ARHGAP24: variants seen among roughly 807,000 people sequenced by gnomAD.
ARHGAP24 encodes the protein rho GTPase-activating protein 24.
Under a neutral mutation model 76.4 loss-of-function variants are expected in ARHGAP24, and 50 were observed. The ratio of observed to expected loss-of-function variants is 0.65; its 90% CI spans 0.52 to 0.83. The LOEUF is 0.83. Ranked by LOEUF, ARHGAP24 falls within the 40% of genes least tolerant of loss-of-function variation. ARHGAP24 has a pLI of 0.00. For synonymous variants in ARHGAP24, 345 were observed against 323.3 expected (o/e 1.07, Z -0.72); for missense variants, 930 against 914.2 (o/e 1.02, Z -0.22).
At chr4:85,685,760 T>C (rs1723399668) in intron 2 of ARHGAP24, among the ~76,000 whole-genome samples, 1 of 152,240 alleles carries the variant, frequency 6.6e-6, no homozygotes, top group African/African-American at 2.4e-5. Context: ...CTGCTTTATG[T>C]TTCTGTTCCG....
At chr4:85,953,575 G>A (rs553570709) in intron 5 of ARHGAP24, among the ~76,000 whole-genome samples, 1 of 152,070 alleles carries the variant, frequency 6.6e-6, no homozygotes, top group East Asian at 1.9e-4. Flanking sequence ...GACCCCACTT[G>A]CTCTCATTCT....
chr4:85,954,118 G>A (rs895288091), intron 5 of ARHGAP24, among the ~76,000 whole-genome samples: 1 of 152,132 alleles, frequency 6.6e-6, no homozygotes, highest in Non-Finnish European at 1.5e-5. Context: ...CAAATGAGCT[G>A]CCCCAAACAT....
At chr4:85,940,605 G>A (rs1483191760) in intron 4 of ARHGAP24, among the ~76,000 whole-genome samples, 1 of 152,194 alleles carries the variant, frequency 6.6e-6, no homozygotes, top group African/African-American at 2.4e-5. Context: ...TGGAGTTAGT[G>A]AATAATGTTT....
intron 3 of ARHGAP24, among the ~76,000 whole-genome samples, chr4:85,768,357 A>G (rs1390107827): frequency 3.3e-5 from 5 of 152,182 alleles, no homozygotes; most frequent in African/African-American, 1.2e-4. Context: ...TCAAAGACAG[A>G]GTGATAATAC....
At chr4:85,754,493 AGTGAT>A (rs1726397783) in intron 3 of ARHGAP24, among the ~76,000 whole-genome samples, 1 of 152,216 alleles carries the variant, frequency 6.6e-6, no homozygotes, top group African/African-American at 2.4e-5. Flanking sequence ...GAGTAAGTTT[AGTGAT>A]GTTTAAGTTC....
chr4:85,754,466 A>G (rs1446976358), intron 3 of ARHGAP24, among the ~76,000 whole-genome samples: 1 of 152,144 alleles, frequency 6.6e-6, no homozygotes, highest in Non-Finnish European at 1.5e-5. Context: ...AGATTTTCTC[A>G]TGCATTGTCC....
intron 3 of ARHGAP24, among the ~76,000 whole-genome samples, chr4:85,782,049 A>C (rs1727585714): frequency 1.2e-5 from 1 of 81,626 alleles, no homozygotes; most frequent in South Asian, 6.2e-4. Flanking sequence ...AAAAAAAAAA[A>C]AAGAAAAAAA....
chr4:85,639,180 CT>C (rs1212439804), intron 2 of ARHGAP24, among the ~76,000 whole-genome samples: 1 of 152,110 alleles, frequency 6.6e-6, no homozygotes, highest in Non-Finnish European at 1.5e-5. Context: ...GATATGACCA[CT>C]ATTTCTTTAA....
At chr4:85,913,921 A>C (rs1735222641) in intron 3 of ARHGAP24, among the ~76,000 whole-genome samples, 1 of 152,230 alleles carries the variant, frequency 6.6e-6, no homozygotes, top group African/African-American at 2.4e-5. Flanking sequence ...CGTCTCTCTG[A>C]ATTCAATGTC....
rs145392366 is a variant in ARHGAP24, at chr4:85,945,218, C to T, written c.599+2945C>T. ...AGTGCAGTAGCATGATCTCAGCTCA[C>T]TGCAACGTCCACCTCACTGGTTCAA... is the stretch of plus-strand genomic sequence containing the variant. On this transcript the variant is annotated intron_variant, in intron 5 of 9. Transcript: ENST00000395184. Among the ~76,000 whole-genome samples the T allele has an allele frequency of 4.6e-3, 698 of 152,178 alleles. 2 individuals carry two copies. The highest frequency in any genetic ancestry group is 9.7e-3 in the Admixed American group (149 of 15,288).
In ARHGAP24 at chr4:85,625,857, T is replaced by C. The variant is rs200039418; in HGVS notation, c.180+55136T>C. ...CTTTGTCTCTTTTTATCTTTGTTGG[T>C]TTAAAGTCTGTTTTATCAGAGACTA... is the stretch of plus-strand genomic sequence containing the variant. On this transcript the variant is annotated intron_variant, in intron 2 of 9. Transcript: ENST00000395184. Among the ~76,000 whole-genome samples, 246 of 152,312 alleles carry C rather than the reference T, an allele frequency of 1.6e-3. 7 individuals are homozygous for C. The East Asian group carries it at 0.044, about 27-fold the overall frequency.
chr4:85,867,619 GA>G (rs1362778857), intron 3 of ARHGAP24, among the ~76,000 whole-genome samples: 2 of 151,452 alleles, frequency 1.3e-5, no homozygotes, highest in Admixed American at 1.3e-4. Context: ...TTTTTGAGAG[GA>G]AAAAAGTGGA....
intron 4 of ARHGAP24, among the ~76,000 whole-genome samples, chr4:85,925,941 G>T (rs1195758321): frequency 6.6e-6 from 1 of 151,982 alleles, no homozygotes; most frequent in East Asian, 1.9e-4. Flanking sequence ...CCTGAGTTCA[G>T]AAGAATCTTT....
intron 8 of ARHGAP24, among the ~76,000 whole-genome samples, chr4:85,986,624 G>A (rs1234624722): frequency 1.3e-5 from 2 of 152,116 alleles, no homozygotes; most frequent in Non-Finnish European, 2.9e-5. Flanking sequence ...GAATTTGGGG[G>A]AGTAGAAAAC....
chr4:85,812,179 A>C (rs1473326643), intron 3 of ARHGAP24, among the ~76,000 whole-genome samples: 1 of 152,086 alleles, frequency 6.6e-6, no homozygotes, highest in Non-Finnish European at 1.5e-5. Flanking sequence ...CCATCTCAAA[A>C]ATAAATAAAT....
At chr4:85,726,908 C>T (rs565883858) in intron 3 of ARHGAP24, among the ~76,000 whole-genome samples, 5 of 152,264 alleles carry the variant, frequency 3.3e-5, no homozygotes, top group African/African-American at 1.2e-4. Flanking sequence ...GTGGCTCACG[C>T]CTGTAATCCC....
intron 3 of ARHGAP24, among the ~76,000 whole-genome samples, chr4:85,858,579 A>G (rs1731714217): frequency 1.3e-5 from 2 of 152,184 alleles, no homozygotes; most frequent in African/African-American, 4.8e-5. Flanking sequence ...CTCTATGCAA[A>G]TGTTAAAGAA....
chr4:85,500,163 GTTA>G (rs1316213161), intron 1 of ARHGAP24, among the ~76,000 whole-genome samples: 2 of 152,098 alleles, frequency 1.3e-5, no homozygotes, highest in African/African-American at 4.8e-5. Flanking sequence ...TTTAAAATAG[GTTA>G]TTAAGATTAA....
chr4:85,496,975 C>T (rs1723608496), intron 1 of ARHGAP24, among the ~76,000 whole-genome samples: 1 of 152,120 alleles, frequency 6.6e-6, no homozygotes, highest in Admixed American at 6.5e-5. Context: ...TCATTTTGGG[C>T]AAAGGGAACC....
Sources: allele counts gnomAD v4.1 joint callset (sites outside exome capture counted in the v4.1 genomes callset), GRCh38; gene constraint gnomAD v4.1.1; transcripts MANE v1.5; gene names NCBI Gene and HGNC (gene_info 2026-07-23, HGNC 2026-07-21).